Variants in KDR observed in about 807,000 individuals in gnomAD.
The protein encoded by KDR is vascular endothelial growth factor receptor 2.
In KDR, 43 loss-of-function variants were observed where a neutral mutation model predicts 160.9. The observed-to-expected ratio is 0.27, with a 90% CI of 0.21 to 0.34. KDR has a LOEUF of 0.34. Ranked by LOEUF, KDR falls within the 10% of genes least tolerant of loss-of-function variation. KDR has a pLI of 1.00. For missense variants in KDR, 1,469 were observed against 1,666.4 expected (o/e 0.88, Z 2.06); for synonymous variants, 617 against 600.1 (o/e 1.03, Z -0.41).
In KDR at chr4:55,094,813, T is replaced by G; in HGVS notation, c.2960A>C (p.Glu987Ala). The part of the protein sequence containing the change: ...FVEEKSLSDV[E>A]EEEAPEDLYK... ...GCACTAGCCAGTACCTTCCTCTTCT[T>G]CTACATCACTGAGGGACTTCTCCTC... is the stretch of plus-strand genomic sequence containing the variant. The change falls in exon 21 of 30, where the codon GAA becomes GCA. Residue 987 changes from glutamate to alanine, a missense_variant. Transcript: ENST00000263923. The G allele has an allele frequency of 6.2e-7, 1 of 1,613,954 alleles. No individual in the cohort carries two copies. Among genetic ancestry groups the G allele is most frequent in the Non-Finnish European group, 8.5e-7 (1 of 1,179,850 alleles).
intron 13 of KDR, among the ~76,000 whole-genome samples, chr4:55,104,264 C>G (rs1209208029): frequency 6.6e-5 from 10 of 152,116 alleles, no homozygotes; most frequent in Non-Finnish European, 1.5e-4. Flanking sequence ...CAGTGGTTGC[C>G]TATGTTCTCC....
intron 3 of KDR, among the ~76,000 whole-genome samples, chr4:55,117,138 T>C (rs919905251): frequency 1.1e-4 from 17 of 152,088 alleles, no homozygotes; most frequent in African/African-American, 3.9e-4. Context: ...TAAACCTATT[T>C]AGTAAATCAA....
In KDR at chr4:55,079,760, G is replaced by A; in HGVS notation, c.*181C>T. On this transcript the variant is annotated 3_prime_UTR_variant, in exon 30 of 30. Coordinates refer to ENST00000263923, the MANE Select transcript of KDR (RefSeq NM_002253.4). Reference sequence around the variant, plus strand: ...GGAGAAGACACAGACACATTCTTGGGTCACAAGCCTCTTCCAGGATATGCC... The same window carrying A: ...GGAGAAGACACAGACACATTCTTGGATCACAAGCCTCTTCCAGGATATGCC... 3 of 648,102 alleles carry A rather than the reference G, an allele frequency of 4.6e-6. No homozygotes were observed. In the Admixed American group the frequency reaches 6.9e-5, roughly 15 times the overall value. The allele number at this position is 648,102 out of a possible 1,614,324, so 40.1% of individuals were successfully genotyped here.
chr4:55,099,184 T>A (rs1242271439), intron 15 of KDR, among the ~76,000 whole-genome samples: 5 of 151,852 alleles, frequency 3.3e-5, no homozygotes, highest in African/African-American at 9.7e-5. Flanking sequence ...CCCAGCTAAT[T>A]TTTCTTTTAT....
At chr4:55,084,008 C>T (rs1408982214) in intron 27 of KDR, among the ~76,000 whole-genome samples, 3 of 152,180 alleles carry the variant, frequency 2.0e-5, no homozygotes, top group Admixed American at 6.5e-5. Context: ...GATAATCTGC[C>T]GCAAGCCTGA....
At chr4:55,114,023 C>G (rs1327966986) in intron 6 of KDR, 103 bp downstream of exon 6, 3 of 1,210,250 alleles carry the variant, frequency 2.5e-6, no homozygotes, top group East Asian at 4.6e-5. Context: ...GTTTAAGGCT[C>G]TTACATTTTA....
At position 55,110,716 on chromosome 4, in the gene KDR, C is replaced by A. The variant is rs201075093; in HGVS notation, c.1029G>T (p.Thr343=). ...CAGGGATTCTGACACGCTCCCCCAC[C>A]GTGGCTTCCACCAGAGATTCCATGC... ...GSGMESLVEA[T]VGERVRIPAK... The change falls in exon 8 of 30, where the codon ACG becomes ACT. Residue 343 remains threonine (T), a synonymous_variant. Coordinates refer to ENST00000263923, the MANE Select transcript of KDR (RefSeq NM_002253.4). 2 of 1,613,422 alleles carry A rather than the reference C, an allele frequency of 1.2e-6. No individual in the cohort carries two copies. Among genetic ancestry groups the A allele is most frequent in the African/African-American group, 1.3e-5 (1 of 74,714 alleles).
chr4:55,095,528 T>C lies in KDR; in HGVS notation c.2817+49A>G, dbSNP rs182660997. The C allele has an allele frequency of 7.3e-6, 10 of 1,362,244 alleles. No homozygotes were observed. In the East Asian group the frequency reaches 1.8e-4, roughly 25 times the overall value. The allele number at this position is 1,362,244 out of a possible 1,614,324, so 84.4% of individuals were successfully genotyped here. On this transcript the variant is annotated intron_variant, in intron 20 of 29. Transcript: ENST00000263923. ...AAAACTAACCTGTACCATTTTGAGT[T>C]TCCCTTCATTTTATAACATGGCCAG...
Position 55,078,912 on chromosome 4 carries a change from T to G in KDR, c.*1029A>C, listed in dbSNP as rs943077213. The stretch of plus-strand genomic sequence containing the variant: ...AGAGGCCAAATAACTAAAATACTGA[T>G]GGGTTGCGGGGTGAGAGTGGGTTGG... On this transcript the variant is annotated 3_prime_UTR_variant, in exon 30 of 30. Coordinates refer to ENST00000263923, the MANE Select transcript of KDR (RefSeq NM_002253.4). 8.6e-6 allele frequency: 2 copies of G among 233,110 alleles called. No homozygotes were observed. The highest frequency in any genetic ancestry group is 1.7e-5 in the Non-Finnish European group (2 of 118,058). The allele number at this position is 233,110 out of a possible 1,614,324, so 14.4% of individuals were successfully genotyped here.
intron 1 of KDR, 61 bp downstream of exon 1, chr4:55,125,166 T>C: frequency 6.8e-7 from 1 of 1,468,438 alleles, no homozygotes; most frequent in Non-Finnish European, 9.4e-7. Flanking sequence ...GATCTGGCTT[T>C]CAGGTCCTCT....
Position 55,105,881 on chromosome 4 carries a change from C to T in KDR, c.1596G>A (p.Ala532=), listed in dbSNP as rs138803814. 4.4e-4 allele frequency: 707 copies of T among 1,613,510 alleles called. 3 individuals are homozygous for T. The African/African-American group carries it at 8.2e-3, about 19-fold the overall frequency. ...TCTCTCCTCTCCCGACTTTGTTGAC[C>T]GCTTCACATTTGTACAAAGCTGACA... ...ANVSALYKCE[A]VNKVGRGERV... is the part of the protein sequence containing the mutation. Residue 532 remains alanine (A), a synonymous_variant, in exon 12 of 30, where the codon GCG becomes GCA. Transcript: ENST00000263923.
intron 1 of KDR, among the ~76,000 whole-genome samples, chr4:55,124,800 T>G (rs1299328566): frequency 6.6e-6 from 1 of 152,170 alleles, no homozygotes; most frequent in Non-Finnish European, 1.5e-5. Context: ...AGACCCGGCC[T>G]GAGATTCCGG....
chr4:55,096,082 A>G, intron 19 of KDR, 147 bp downstream of exon 19: 1 of 633,710 alleles, frequency 1.6e-6, no homozygotes, highest in Non-Finnish European at 2.8e-6. Context: ...TGCCAATTAA[A>G]CCTCCATGAA....
In KDR at chr4:55,120,936, T is replaced by C. The variant is rs1720856651; in HGVS notation, c.161+161A>G. 2.0e-5 allele frequency among the ~76,000 whole-genome samples: 3 copies of C among 151,824 alleles called. No homozygotes were observed. In the South Asian group the frequency reaches 6.2e-4, roughly 32 times the overall value. ...ATTGTACAGAATTTTTGAGAGAAAA[T>C]TCTTCTCATTTTCCATTATTACATC... On this transcript the variant is annotated intron_variant, in intron 2 of 29. Transcript: ENST00000263923.
rs777299134 is a variant in KDR, at chr4:55,104,811, C to G, written c.1819G>C (p.Asp607His). 7.1e-5 allele frequency: 115 copies of G among 1,613,834 alleles called. No homozygotes were observed. The highest frequency in any genetic ancestry group is 9.2e-5 in the Non-Finnish European group (109 of 1,179,906). Residue 607 changes from aspartate to histidine, a missense_variant, in exon 13 of 30, where the codon GAT becomes CAT. Asp to His is a moderately conservative substitution (Grantham distance 81). Transcript: ENST00000263923. ...ELPTPVCKNL[D>H]TLWKLNATMF... ...GTGGCATTCAATTTCCAAAGAGTAT[C>G]CAAGTTCTTGCAAACAGGTGTGGGC...
At chr4:55,101,667 G>T (rs901041607) in intron 15 of KDR, among the ~76,000 whole-genome samples, 9 of 152,098 alleles carry the variant, frequency 5.9e-5, no homozygotes, top group Admixed American at 4.6e-4. Context: ...ACCCACAGTA[G>T]GCCCCAGTGT....
rs929720067 is a variant in KDR, at chr4:55,080,104, C to T, written c.3908G>A (p.Ser1303Asn). 5.2e-5 allele frequency: 84 copies of T among 1,614,076 alleles called. No individual in the cohort carries two copies. Among genetic ancestry groups the T allele is most frequent in the Non-Finnish European group, 7.0e-5 (83 of 1,180,034 alleles). Residue 1303 changes from serine (S) to asparagine (N), a missense_variant, in exon 30 of 30, where the codon AGC (serine) becomes AAC (asparagine). Ser to Asn is a conservative substitution (Grantham distance 46). Around this residue, in one of 7 missense-constraint regions of KDR, gnomAD observed 229 missense variants for 197.8 expected, o/e 1.16. Coordinates refer to ENST00000263923, the MANE Select transcript of KDR (RefSeq NM_002253.4). ...SVASEGSNQT[S>N]GYQSGYHSDD... The stretch of plus-strand genomic sequence containing the variant: ...GGAGTGATATCCGGACTGGTAGCCG[C>T]TTGTCTGGTTTGAGCCTTCAGATGC...
At chr4:55,117,936 A>G (rs1293561574) in intron 3 of KDR, among the ~76,000 whole-genome samples, 1 of 152,208 alleles carries the variant, frequency 6.6e-6, no homozygotes, top group African/African-American at 2.4e-5. Context: ...AATATGTGTG[A>G]CATTTATTTT....
chr4:55,110,272 T>A, intron 9 of KDR, 131 bp downstream of exon 9: 2 of 951,090 alleles, frequency 2.1e-6, no homozygotes, highest in Non-Finnish European at 3.4e-6. Flanking sequence ...CCACGCCAGA[T>A]GACTTTTGTA....
Sources: allele counts gnomAD v4.1 joint callset (sites outside exome capture counted in the v4.1 genomes callset), GRCh38; gene constraint gnomAD v4.1.1; regional missense constraint gnomAD v4.1.1; transcripts MANE v1.5; gene names NCBI Gene and HGNC (gene_info 2026-07-23, HGNC 2026-07-21).